The following ZIM2 variants were observed in gnomAD, a reference collection of about 807,000 sequenced individuals.
The protein encoded by ZIM2 is zinc finger imprinted 2.
Under a neutral mutation model 38.6 loss-of-function variants are expected in ZIM2, and 14 were observed. The observed-to-expected ratio is 0.36, with a 90% CI of 0.24 to 0.57. The LOEUF (loss-of-function observed/expected upper bound fraction) is 0.57. Among genes scored for constraint, ZIM2 ranks in the 20% least tolerant of loss-of-function variants. ZIM2 has a pLI of 0.81. For missense variants in ZIM2, 680 were observed against 695.1 expected (o/e 0.98, Z 0.24); for synonymous variants, 247 against 245.8 (o/e 1.00, Z -0.04).
At chr19:56,815,566 T>C in intron 9 of ZIM2, 3 of 1,614,112 alleles carry the variant, frequency 1.9e-6, no homozygotes, top group Non-Finnish European at 2.5e-6. Context: ...AAATGTTTGT[T>C]CACCAAAAGG....
At chr19:56,813,534 G>T in intron 9 of ZIM2, 1 of 1,442,072 alleles carries the variant, frequency 6.9e-7, no homozygotes. Flanking sequence ...TTTTCAATCT[G>T]AGTTTAGAGA....
Position 56,774,905 on chromosome 19 carries a change from C to T in ZIM2, c.1460G>A (p.Arg487Gln), listed in dbSNP as rs199721017. The T allele has an allele frequency of 7.4e-5, 119 of 1,614,046 alleles. 1 individual carries two copies. The highest frequency in any genetic ancestry group is 5.8e-4 in the Admixed American group (35 of 60,002). Residue 487 changes from arginine (R) to glutamine (Q), a missense_variant, in exon 13 of 13, where the codon CGG becomes CAG. Transcript: ENST00000629319. ...HSKTYLIRYQ[R>Q]KHDYVGERAC... ...TCTCTCTCCAACGTAGTCATGTTTC[C>T]GCTGATAACGAATTAAGTATGTCTT... is the stretch of plus-strand genomic sequence containing the variant.
chr19:56,803,279 A>G (rs1039433504), intron 9 of ZIM2, among the ~76,000 whole-genome samples: 27 of 152,270 alleles, frequency 1.8e-4, no homozygotes, highest in African/African-American at 6.5e-4. Context: ...CCTATCTCAC[A>G]ACTGCTTAGA....
At chr19:56,784,932 T>C (rs2046518367) in intron 10 of ZIM2, among the ~76,000 whole-genome samples, 1 of 152,198 alleles carries the variant, frequency 6.6e-6, no homozygotes, top group Non-Finnish European at 1.5e-5. Flanking sequence ...TCTAAAACTT[T>C]TTATGCAAAT....
chr19:56,815,356 G>A (rs993611800), intron 9 of ZIM2: 34 of 1,614,140 alleles, frequency 2.1e-5, no homozygotes, highest in Admixed American at 5.0e-5. Context: ...TTTGTTCCGC[G>A]CTTGCTCTTT....
rs372689416 is a variant in ZIM2, at chr19:56,818,658, C to T, written c.339G>A (p.Arg113=). Residue 113 remains arginine (R), a synonymous_variant, in exon 8 of 13, where the codon AGG becomes AGA. Transcript: ENST00000629319. ...YQNVVDLAED[R]KPHNTIQDNM... ...TGTCCTGGATTGTGTTGTGAGGTTT[C>T]CTGTCCTCAGCGAGGTCCACCACAT... The T allele has an allele frequency of 1.9e-6, 3 of 1,614,166 alleles. No homozygotes were observed. The highest frequency in any genetic ancestry group is 2.5e-6 in the Non-Finnish European group (3 of 1,180,034).
intron 2 of ZIM2, among the ~76,000 whole-genome samples, chr19:56,827,505 A>C (rs2061160379): frequency 6.6e-6 from 1 of 152,238 alleles, no homozygotes; most frequent in South Asian, 2.1e-4. Context: ...CAAAACAATC[A>C]ATCATAAAGC....
intron 9 of ZIM2, chr19:56,816,293 C>G: frequency 6.2e-7 from 1 of 1,614,050 alleles, no homozygotes. Flanking sequence ...TTCTCATACC[C>G]TCTGCCTTCA....
At position 56,814,974 on chromosome 19, in the gene ZIM2, A is replaced by C. The variant is rs780521174; in HGVS notation, c.490+2772T>G. On this transcript the variant is annotated intron_variant, in intron 9 of 12. Coordinates refer to ENST00000629319, the MANE Select transcript of ZIM2 (RefSeq NM_001387356.1). This position sits in a 1 kb window ranked among gnomAD's most constrained non-coding sequence, Gnocchi z 5.8. ...ATTCATACAGCTGCTCTCCAGTGTA[A>C]TCTCTCTGATACTCGCTGATGGAAT... The C allele has an allele frequency of 1.4e-5, 23 of 1,613,980 alleles. No individual in the cohort carries two copies. Among genetic ancestry groups the C allele is most frequent in the East Asian group, 2.2e-5 (1 of 44,888 alleles).
chr19:56,823,471 T>G (rs1450468394), intron 5 of ZIM2, 119 bp downstream of exon 5: 1 of 1,126,866 alleles, frequency 8.9e-7, no homozygotes, highest in Non-Finnish European at 1.3e-6. Flanking sequence ...GATCTCTGAG[T>G]GAAGCTGACC....
intron 2 of ZIM2, among the ~76,000 whole-genome samples, chr19:56,827,103 C>T (rs1251167473): frequency 6.6e-6 from 1 of 152,102 alleles, no homozygotes; most frequent in African/African-American, 2.4e-5. Flanking sequence ...AGCAACTTCC[C>T]AAGTAAACTT....
At chr19:56,813,872 G>A (rs2059719744) in intron 9 of ZIM2, 5 of 1,614,172 alleles carry the variant, frequency 3.1e-6, no homozygotes, top group Non-Finnish European at 4.2e-6. Flanking sequence ...TGAGTTTTCA[G>A]GTGTTCACTG....
At chr19:56,791,904 C>G (rs1397271412) in intron 9 of ZIM2, among the ~76,000 whole-genome samples, 1 of 152,098 alleles carries the variant, frequency 6.6e-6, no homozygotes, top group Non-Finnish European at 1.5e-5. Flanking sequence ...ACATTTTATG[C>G]CCCCTTGCAT....
At chr19:56,822,443 C>G (rs920751734) in intron 6 of ZIM2, 2 of 318,688 alleles carry the variant, frequency 6.3e-6, no homozygotes, top group African/African-American at 4.3e-5. Flanking sequence ...TATGGCACTT[C>G]ATACTAGTTT....
At chr19:56,832,159 C>A (rs759489873) in intron 2 of ZIM2, among the ~76,000 whole-genome samples, 1 of 152,160 alleles carries the variant, frequency 6.6e-6, no homozygotes, top group Non-Finnish European at 1.5e-5. Context: ...ATTTTAACTT[C>A]GCAATCAGGA....
At chr19:56,806,683 A>G (rs1187621893) in intron 9 of ZIM2, among the ~76,000 whole-genome samples, 1 of 152,172 alleles carries the variant, frequency 6.6e-6, no homozygotes, top group Non-Finnish European at 1.5e-5. Context: ...CACAAAACTC[A>G]TATGTTGATG....
chr19:56,796,899 A>G (rs1288379493), intron 9 of ZIM2, among the ~76,000 whole-genome samples: 1 of 152,238 alleles, frequency 6.6e-6, no homozygotes, highest in Non-Finnish European at 1.5e-5. Context: ...CAAACACACC[A>G]TCTTTGTTTT....
chr19:56,789,964 G>T lies in ZIM2; in HGVS notation c.491-13C>A. The T allele has an allele frequency of 6.5e-7, 1 of 1,530,408 alleles. No individual in the cohort carries two copies. The highest frequency in any genetic ancestry group is 8.9e-7 in the Non-Finnish European group (1 of 1,124,692). The allele number at this position is 1,530,408 out of a possible 1,614,324, so 94.8% of individuals were successfully genotyped here. On this transcript the variant is annotated splice_polypyrimidine_tract_variant and intron_variant, in intron 9 of 12. Coordinates refer to ENST00000629319, the MANE Select transcript of ZIM2 (RefSeq NM_001387356.1). Reference sequence around the variant, plus strand: ...TGAGCAAGGAAACCTAGAAGGGAGAGAGGAATACCATGGAATTGAGTCCTG... The same window carrying T: ...TGAGCAAGGAAACCTAGAAGGGAGATAGGAATACCATGGAATTGAGTCCTG...
chr19:56,816,782 G>A (rs1568639031), intron 9 of ZIM2: 1 of 1,614,088 alleles, frequency 6.2e-7, no homozygotes, highest in Non-Finnish European at 8.5e-7. Flanking sequence ...TATATTTTCT[G>A]AAGCTCACTA....
Sources: allele counts gnomAD v4.1 joint callset (sites outside exome capture counted in the v4.1 genomes callset), GRCh38; gene constraint gnomAD v4.1.1; non-coding constraint Gnocchi (gnomAD v3.1); transcripts MANE v1.5; gene names NCBI Gene and HGNC (gene_info 2026-07-23, HGNC 2026-07-21).